The following ATRNL1 variants were observed in gnomAD, a reference collection of about 807,000 sequenced individuals.
The protein encoded by ATRNL1 is attractin-like protein 1.
A neutral mutation model predicts 182.7 loss-of-function variants in ATRNL1; 95 were observed. The observed-to-expected ratio is 0.52, with a 90% CI of 0.44 to 0.62. The LOEUF is 0.62. ATRNL1 is among the 20% of genes least tolerant of loss of function. The pLI is 0.00. For missense variants in ATRNL1, 1,471 were observed against 1,679.5 expected (o/e 0.88, Z 2.17); for synonymous variants, 576 against 568.3 (o/e 1.01, Z -0.19).
At chr10:115,342,295 CT>C (rs1183301277) in intron 19 of ATRNL1, among the ~76,000 whole-genome samples, 3 of 151,206 alleles carry the variant, frequency 2.0e-5, no homozygotes, top group East Asian at 1.9e-4. Flanking sequence ...TAGTGAAGGC[CT>C]TTTTTTTCCT....
intron 27 of ATRNL1, among the ~76,000 whole-genome samples, chr10:115,823,405 A>T (rs1555091072): frequency 6.6e-6 from 1 of 152,204 alleles, no homozygotes; most frequent in Admixed American, 6.5e-5. Context: ...CCTATTCAAC[A>T]TAGTATTGGA....
intron 9 of ATRNL1, among the ~76,000 whole-genome samples, chr10:115,218,376 A>C (rs1028187984): frequency 1.3e-5 from 2 of 152,126 alleles, no homozygotes; most frequent in Non-Finnish European, 2.9e-5. Context: ...TTAACTCACA[A>C]TGTATAGTGA....
At chr10:115,143,724 C>CAG (rs142946817) in intron 5 of ATRNL1, among the ~76,000 whole-genome samples, 7 of 150,312 alleles carry the variant, frequency 4.7e-5, no homozygotes, top group East Asian at 2.0e-4. Flanking sequence ...AAGAGAGAGC[C>CAG]AGAGAGAGAG....
At chr10:115,271,987 CT>C (rs543870538) in intron 13 of ATRNL1, among the ~76,000 whole-genome samples, 220 of 152,258 alleles carry the variant, frequency 1.4e-3, no homozygotes, top group African/African-American at 4.9e-3. Flanking sequence ...TCTGGGTTCA[CT>C]TGAGGTCTGG....
chr10:115,101,201 CT>C (rs1331928516), intron 1 of ATRNL1, among the ~76,000 whole-genome samples: 13 of 150,464 alleles, frequency 8.6e-5, no homozygotes, highest in South Asian at 2.1e-4. Flanking sequence ...ATCTAGATGC[CT>C]TTTTTTTTCT....
In ATRNL1 at chr10:115,267,023, T is replaced by C. The variant is rs377223293; in HGVS notation, c.1981+18T>C. The C allele has an allele frequency of 2.9e-5, 46 of 1,564,706 alleles. No homozygotes were observed. The highest frequency in any genetic ancestry group is 3.9e-5 in the Non-Finnish European group (45 of 1,143,156). ...TAAAACAGGTAAATTTCTTTTTCTT[T>C]TCGTCTTTGTGGCAGCAAAATTTCT... On this transcript the variant is annotated intron_variant, in intron 12 of 28. Coordinates refer to ENST00000355044, the MANE Select transcript of ATRNL1 (RefSeq NM_207303.4).
intron 7 of ATRNL1, among the ~76,000 whole-genome samples, chr10:115,167,532 G>A (rs2144060491): frequency 6.6e-6 from 1 of 152,074 alleles, no homozygotes; most frequent in African/African-American, 2.4e-5. Flanking sequence ...CAGGACACTT[G>A]TTTGGTTTTC....
At chr10:115,928,948 G>C (rs1046127399) in intron 28 of ATRNL1, among the ~76,000 whole-genome samples, 2 of 151,888 alleles carry the variant, frequency 1.3e-5, no homozygotes, top group Non-Finnish European at 2.9e-5. Context: ...TCACTTCAAT[G>C]TGATTGTCCA....
At chr10:115,528,568 T>G (rs1427227759) in intron 25 of ATRNL1, among the ~76,000 whole-genome samples, 6 of 152,032 alleles carry the variant, frequency 3.9e-5, no homozygotes, top group Non-Finnish European at 7.4e-5. Context: ...TTGTTGCTCT[T>G]TTTCAAGAAT....
intron 20 of ATRNL1, among the ~76,000 whole-genome samples, chr10:115,421,055 A>C (rs1287369839): frequency 6.6e-6 from 1 of 152,172 alleles, no homozygotes; most frequent in Non-Finnish European, 1.5e-5. Context: ...CAGTAAAACA[A>C]AGACTCCTAT....
At chr10:115,850,325 C>T (rs569202182) in intron 28 of ATRNL1, among the ~76,000 whole-genome samples, 4 of 151,956 alleles carry the variant, frequency 2.6e-5, no homozygotes, top group African/African-American at 9.7e-5. Flanking sequence ...GATTTCACTG[C>T]AAGAAAAAAG....
intron 26 of ATRNL1, among the ~76,000 whole-genome samples, chr10:115,604,867 T>C (rs1555017132): frequency 6.6e-6 from 1 of 152,170 alleles, no homozygotes; most frequent in African/African-American, 2.4e-5. Context: ...AGACCAGATG[T>C]GGAGATCTTA....
In ATRNL1 at chr10:115,469,232, G is replaced by A; in HGVS notation, c.3557G>A (p.Arg1186Lys). Residue 1186 changes from arginine to lysine, a missense_variant, in exon 24 of 29, where the codon AGA becomes AAA. Coordinates refer to ENST00000355044, the MANE Select transcript of ATRNL1 (RefSeq NM_207303.4). ...IVSKNNIKEY[R>K]DSFSYEKFNF... Reference sequence around the variant, plus strand: ...TCCAAGAATAATATAAAGGAATACAGAGATAGTTTTTCCTATGAAAAATTT... The same window carrying A: ...TCCAAGAATAATATAAAGGAATACAAAGATAGTTTTTCCTATGAAAAATTT... The A allele has an allele frequency of 6.8e-7, 1 of 1,476,514 alleles. No homozygotes were observed. The highest frequency in any genetic ancestry group is 2.6e-5 in the East Asian group (1 of 39,026). The allele number at this position is 1,476,514 out of a possible 1,614,324, so 91.5% of individuals were successfully genotyped here.
intron 10 of ATRNL1, among the ~76,000 whole-genome samples, chr10:115,242,049 G>A (rs1311576618): frequency 3.3e-5 from 5 of 151,932 alleles, no homozygotes; most frequent in Non-Finnish European, 5.9e-5. Flanking sequence ...TTGATAATGG[G>A]TAGATATGGA....
chr10:115,635,137 T>G (rs1555027602), intron 26 of ATRNL1, among the ~76,000 whole-genome samples: 1 of 152,056 alleles, frequency 6.6e-6, no homozygotes, highest in African/African-American at 2.4e-5. Context: ...ATAAAACTAA[T>G]AACCTGGACC....
chr10:115,281,111 A>G (rs782574979), intron 13 of ATRNL1, among the ~76,000 whole-genome samples: 19 of 152,224 alleles, frequency 1.2e-4, no homozygotes, highest in Non-Finnish European at 2.4e-4. Context: ...CTTGTAAGTT[A>G]GGTTGCAGTT....
chr10:115,426,261 A>G lies in ATRNL1; in HGVS notation c.3281A>G (p.Glu1094Gly). Residue 1094 changes from glutamate to glycine, a missense_variant, in exon 21 of 29, where the codon GAA (glutamate) becomes GGA (glycine). By Grantham distance (98) the Glu-to-Gly change is moderately conservative. This residue lies in a region of ATRNL1 where 437 missense variants were observed against 506.0 expected (regional missense o/e 0.86). Transcript: ENST00000355044. ...KGDQCQLCDS[E>G]NRYVGNPLRG... ...TTGTGTTTCTGCAGATGTGACTCTG[A>G]AAATCGCTATGTTGGTAATCCACTT... 6.2e-7 allele frequency: 1 copy of G among 1,612,476 alleles called. No individual in the cohort carries two copies. The highest frequency in any genetic ancestry group is 8.5e-7 in the Non-Finnish European group (1 of 1,178,962).
intron 17 of ATRNL1, among the ~76,000 whole-genome samples, chr10:115,310,182 C>T (rs1554927409): frequency 6.6e-6 from 1 of 151,774 alleles, no homozygotes; most frequent in Non-Finnish European, 1.5e-5. Context: ...TTGAACCATC[C>T]CTGGGATGAA....
chr10:115,500,032 G>A (rs1038296463), intron 24 of ATRNL1, among the ~76,000 whole-genome samples: 1 of 152,064 alleles, frequency 6.6e-6, no homozygotes, highest in African/African-American at 2.4e-5. Context: ...ATTTTTTGCA[G>A]GTGTTGAAGA....
Sources: allele counts gnomAD v4.1 joint callset (sites outside exome capture counted in the v4.1 genomes callset), GRCh38; gene constraint gnomAD v4.1.1; regional missense constraint gnomAD v4.1.1; transcripts MANE v1.5; gene names NCBI Gene and HGNC (gene_info 2026-07-23, HGNC 2026-07-21).